The following ASTN2 variants were observed in gnomAD, a reference collection of about 807,000 sequenced individuals.
ASTN2 encodes the protein astrotactin-2.
In ASTN2, 54 loss-of-function variants were observed where a neutral mutation model predicts 139.8. The observed-to-expected ratio is 0.39, with a 90% CI of 0.31 to 0.48. ASTN2 has a LOEUF of 0.48. Ranked by LOEUF, ASTN2 falls within the 20% of genes least tolerant of loss-of-function variation. The pLI is 0.95. For synonymous variants in ASTN2, 756 were observed against 719.5 expected (o/e 1.05, Z -0.81); for missense variants, 1,565 against 1,725.1 (o/e 0.91, Z 1.64).
intron 2 of ASTN2, among the ~76,000 whole-genome samples, chr9:117,264,640 G>A (rs775453357): frequency 6.6e-6 from 1 of 152,156 alleles, no homozygotes; most frequent in Non-Finnish European, 1.5e-5. Context: ...CAAAAGAGAA[G>A]GAGGGAGAAA....
At chr9:116,872,506 G>C (rs943672547) in intron 10 of ASTN2, among the ~76,000 whole-genome samples, 1 of 152,144 alleles carries the variant, frequency 6.6e-6, no homozygotes, top group Non-Finnish European at 1.5e-5. Context: ...TTGGTGCTAG[G>C]CTTGTTCTGG....
At chr9:116,547,845 C>A (rs1190290870) in intron 19 of ASTN2, among the ~76,000 whole-genome samples, 2 of 152,128 alleles carry the variant, frequency 1.3e-5, no homozygotes, top group African/African-American at 4.8e-5. Context: ...AGCTGCCCCC[C>A]AAGCTGAGGT....
intron 4 of ASTN2, among the ~76,000 whole-genome samples, chr9:117,126,153 G>A (rs1455155891): frequency 6.6e-6 from 1 of 152,138 alleles, no homozygotes; most frequent in Non-Finnish European, 1.5e-5. Context: ...TCCCACCAGA[G>A]TAATTAGGAT....
At chr9:117,162,928 G>A (rs1319650040) in intron 3 of ASTN2, among the ~76,000 whole-genome samples, 2 of 152,054 alleles carry the variant, frequency 1.3e-5, no homozygotes, top group Non-Finnish European at 2.9e-5. Flanking sequence ...CCTCAGAAGA[G>A]AGATGGGTAG....
chr9:116,581,762 T>C (rs1488076372), intron 19 of ASTN2, among the ~76,000 whole-genome samples: 1 of 152,194 alleles, frequency 6.6e-6, no homozygotes, highest in Non-Finnish European at 1.5e-5. Context: ...TCTTCTTAAT[T>C]AGTTCACTTA....
intron 4 of ASTN2, among the ~76,000 whole-genome samples, chr9:117,123,531 C>T (rs1325798102): frequency 6.6e-6 from 1 of 152,084 alleles, no homozygotes; most frequent in Non-Finnish European, 1.5e-5. Context: ...TATGCAAAAT[C>T]AAAAGATGCA....
At chr9:116,506,431 G>A (rs962837274) in intron 19 of ASTN2, among the ~76,000 whole-genome samples, 7 of 152,292 alleles carry the variant, frequency 4.6e-5, no homozygotes, top group Admixed American at 4.6e-4. Flanking sequence ...AGCATGCCCT[G>A]GGAAATGGGT....
chr9:116,841,922 C>T (rs1832273521), intron 11 of ASTN2, among the ~76,000 whole-genome samples: 1 of 152,138 alleles, frequency 6.6e-6, no homozygotes, highest in Admixed American at 6.5e-5. Context: ...CCTACTTTTC[C>T]AATGAGGAAA....
intron 1 of ASTN2, among the ~76,000 whole-genome samples, chr9:117,331,448 G>A (rs1413130060): frequency 6.6e-6 from 1 of 152,118 alleles, no homozygotes; most frequent in Non-Finnish European, 1.5e-5. Context: ...TATCAATTGA[G>A]CCTCGGTGTT....
At chr9:116,840,593 C>G (rs1375116224) in intron 11 of ASTN2, among the ~76,000 whole-genome samples, 1 of 114,336 alleles carries the variant, frequency 8.7e-6, no homozygotes, top group African/African-American at 3.4e-5. Context: ...AGGTGGCTGC[C>G]GGGCGGAGAC....
intron 4 of ASTN2, among the ~76,000 whole-genome samples, chr9:117,131,854 T>C (rs1829835095): frequency 6.6e-6 from 1 of 152,200 alleles, no homozygotes; most frequent in East Asian, 1.9e-4. Flanking sequence ...GAAACCACAC[T>C]GTTACTCTCA....
chr9:116,938,137 T>C (rs1835127698), intron 10 of ASTN2, among the ~76,000 whole-genome samples: 1 of 152,220 alleles, frequency 6.6e-6, no homozygotes. Flanking sequence ...GTGGTCTTTC[T>C]ACTATACTAC....
At chr9:116,820,873 T>G in intron 11 of ASTN2, 90 bp from the exon 12 acceptor site, 1 of 1,349,556 alleles carries the variant, frequency 7.4e-7, no homozygotes. Context: ...GAGACATGTG[T>G]CAGGGCCTGA....
At chr9:116,524,423 G>A (rs575996872) in intron 19 of ASTN2, among the ~76,000 whole-genome samples, 11 of 151,996 alleles carry the variant, frequency 7.2e-5, no homozygotes, top group East Asian at 3.9e-4. Context: ...GTTCCCTTCC[G>A]TGCAAAGGTG....
intron 16 of ASTN2, among the ~76,000 whole-genome samples, chr9:116,668,462 G>C (rs928449796): frequency 6.6e-6 from 1 of 152,314 alleles, no homozygotes; most frequent in South Asian, 2.1e-4. Context: ...AAAATGCTGG[G>C]ATTATAGGCA....
At chr9:117,384,403 C>T (rs1169955470) in intron 1 of ASTN2, among the ~76,000 whole-genome samples, 1 of 151,908 alleles carries the variant, frequency 6.6e-6, no homozygotes, top group Non-Finnish European at 1.5e-5. Flanking sequence ...CTCGGCCTAA[C>T]CAAGCCAGGA....
chr9:117,238,546 AT>A (rs1353210214), intron 2 of ASTN2, among the ~76,000 whole-genome samples: 1 of 152,192 alleles, frequency 6.6e-6, no homozygotes, highest in Non-Finnish European at 1.5e-5. Flanking sequence ...GGCCCAGGCT[AT>A]GGGTGAATCT....
chr9:116,436,820 C>A (rs1432210815), intron 22 of ASTN2, among the ~76,000 whole-genome samples: 3 of 151,366 alleles, frequency 2.0e-5, no homozygotes, highest in Non-Finnish European at 4.4e-5. Context: ...AAATGTCCAA[C>A]AATGATAGAC....
chr9:116,630,898 G>A (rs963254592), intron 17 of ASTN2, among the ~76,000 whole-genome samples: 40 of 151,958 alleles, frequency 2.6e-4, no homozygotes, highest in African/African-American at 9.4e-4. Flanking sequence ...ATGGGCAAGA[G>A]AGCTGAATAG....
Sources: gnomAD v4.1 joint callset for allele counts (sites outside exome capture counted in the v4.1 genomes callset) on GRCh38, gnomAD v4.1.1 for gene constraint, MANE v1.5 for transcripts, NCBI Gene and HGNC (gene_info 2026-07-23, HGNC 2026-07-21) for gene names.